Variants in FANCM observed in about 807,000 individuals in gnomAD.
FANCM encodes the protein FA complementation group M.
Under a neutral mutation model 199.5 loss-of-function variants are expected in FANCM, and 140 were observed. That is an observed-to-expected ratio of 0.70 (90% CI 0.61 to 0.81). FANCM has a LOEUF of 0.81. Ranked by LOEUF, FANCM falls within the 30% of genes least tolerant of loss-of-function variation. FANCM has a pLI of 0.00. For missense variants in FANCM, 2,410 were observed against 2,421.4 expected (o/e 1.00, Z 0.10); for synonymous variants, 840 against 836.8 (o/e 1.00, Z -0.07).
intron 3 of FANCM, 130 bp downstream of exon 3, chr14:45,140,839 C>A: frequency 1.4e-6 from 1 of 705,358 alleles, no homozygotes; most frequent in South Asian, 1.5e-5. Flanking sequence ...CCAGGAATTC[C>A]AGACCAGCCT....
rs1182559847 is a variant in FANCM at position 45,135,971 on chromosome 14, T to C, written c.-61T>C. 18 of 1,581,076 alleles carry C rather than the reference T, an allele frequency of 1.1e-5. No individual in the cohort carries two copies. In the South Asian group the frequency reaches 1.7e-4, roughly 15 times the overall value. Reference sequence around the variant, plus strand: ...AGGAAACCGATGGGGATCGGAACCGTAGCGGTTGAGCTGCTGCTGCTACGG... The same window carrying C: ...AGGAAACCGATGGGGATCGGAACCGCAGCGGTTGAGCTGCTGCTGCTACGG... On this transcript the variant is annotated 5_prime_UTR_variant, in exon 1 of 23. Coordinates refer to ENST00000267430, the MANE Select transcript of FANCM (RefSeq NM_020937.4).
In FANCM at chr14:45,136,475, A is replaced by C. The variant is rs750443703; in HGVS notation, c.444A>C (p.Thr148=). ...TGGCCCCAACGAAACCCTTGGTGAC[A>C]CAGCAGATCGAGGCTTGCTACCAGG... is the stretch of plus-strand genomic sequence containing the variant. ...VFMAPTKPLV[T]QQIEACYQVM... Residue 148 remains threonine, a synonymous_variant, in exon 1 of 23, where the codon ACA becomes ACC. Transcript: ENST00000267430. 1 of 1,614,170 alleles carries C rather than the reference A, an allele frequency of 6.2e-7. No homozygotes were observed. Among genetic ancestry groups the C allele is most frequent in the Non-Finnish European group, 8.5e-7 (1 of 1,180,020 alleles).
chr14:45,145,419 A>G (rs1418892382), intron 3 of FANCM, among the ~76,000 whole-genome samples: 1 of 152,058 alleles, frequency 6.6e-6, no homozygotes, highest in Non-Finnish European at 1.5e-5. Flanking sequence ...AGGATGGGGA[A>G]TTCCCTTCTA....
chr14:45,163,468 CTG>C (rs1887747920), intron 9 of FANCM, among the ~76,000 whole-genome samples: 1 of 152,172 alleles, frequency 6.6e-6, no homozygotes, highest in African/African-American at 2.4e-5. Context: ...TATGGAGAAA[CTG>C]AGGCTCAGAG....
intron 5 of FANCM, among the ~76,000 whole-genome samples, chr14:45,152,845 C>A (rs1886925200): frequency 6.6e-6 from 1 of 152,118 alleles, no homozygotes; most frequent in African/African-American, 2.4e-5. Flanking sequence ...CATATAGTAT[C>A]TGGGGAAGCA....
rs765499974 is a variant in FANCM, at chr14:45,136,474, C to T, written c.443C>T (p.Thr148Ile). Residue 148 changes from threonine to isoleucine, a missense_variant, in exon 1 of 23, where the codon ACA becomes ATA. Transcript: ENST00000267430. ...ATGGCCCCAACGAAACCCTTGGTGA[C>T]ACAGCAGATCGAGGCTTGCTACCAG... ...VFMAPTKPLVTQQIEACYQVM... is the reference protein window; with the variant it reads ...VFMAPTKPLVIQQIEACYQVM... 1.3e-5 allele frequency: 21 copies of T among 1,614,058 alleles called. No homozygotes were observed. Among genetic ancestry groups the T allele is most frequent in the Non-Finnish European group, 1.8e-5 (21 of 1,180,030 alleles).
At chr14:45,153,099 A>G (rs569090171) in intron 5 of FANCM, among the ~76,000 whole-genome samples, 112 of 152,300 alleles carry the variant, frequency 7.4e-4, no homozygotes, top group Non-Finnish European at 1.3e-3. Context: ...ATCTCAAAGG[A>G]AAATAATTAG....
At chr14:45,145,789 G>T (rs1204650140) in intron 3 of FANCM, among the ~76,000 whole-genome samples, 3 of 152,082 alleles carry the variant, frequency 2.0e-5, no homozygotes, top group Non-Finnish European at 4.4e-5. Flanking sequence ...GCCGGGCGCG[G>T]TGGCTCACGC....
Position 45,181,718 on chromosome 14 carries a change from C to G in FANCM, c.4386+13C>G, listed in dbSNP as rs990604042. 1.3e-6 allele frequency: 2 copies of G among 1,550,494 alleles called. No individual in the cohort carries two copies. The highest frequency in any genetic ancestry group is 1.8e-6 in the Non-Finnish European group (2 of 1,124,166). The stretch of plus-strand genomic sequence containing the variant: ...TCCTATAAACAGAGTAAGTAAATAC[C>G]AGGTAATGTATAGTAATCCAAATTC... On this transcript the variant is annotated intron_variant, in intron 16 of 22. Transcript: ENST00000267430.
At chr14:45,198,530 G>A in intron 21 of FANCM, 114 bp from the exon 22 acceptor site, 1 of 624,636 alleles carries the variant, frequency 1.6e-6, no homozygotes, top group Non-Finnish European at 2.7e-6. Flanking sequence ...GCAGAATGTG[G>A]CACCAGTTTG....
chr14:45,146,280 A>C lies in FANCM; in HGVS notation c.760-2557A>C, dbSNP rs574727666. The stretch of plus-strand genomic sequence containing the variant: ...AAAAAGGATTGTGTTTCCTACCTCA[A>C]AGTGCCTCTTTTAGCAATATGAAGT... On this transcript the variant is annotated intron_variant, in intron 3 of 22. Coordinates refer to ENST00000267430, the MANE Select transcript of FANCM (RefSeq NM_020937.4). 2.6e-5 allele frequency among the ~76,000 whole-genome samples: 4 copies of C among 151,202 alleles called. No individual in the cohort carries two copies. In the South Asian group the frequency reaches 8.4e-4, roughly 32 times the overall value.
intron 3 of FANCM, 113 bp downstream of exon 3, chr14:45,140,822 C>T (rs1319850920): frequency 1.1e-5 from 8 of 748,896 alleles, no homozygotes; most frequent in Non-Finnish European, 1.9e-5. Flanking sequence ...GGGAGGATCA[C>T]TTGAGGCCAG....
At chr14:45,150,908 G>T (rs574215335) in intron 4 of FANCM, among the ~76,000 whole-genome samples, 1 of 152,254 alleles carries the variant, frequency 6.6e-6, no homozygotes, top group South Asian at 2.1e-4. Context: ...TTACATAGTA[G>T]ATGGTTAATA....
intron 10 of FANCM, 95 bp from the exon 11 acceptor site, chr14:45,166,855 T>C: frequency 1.3e-6 from 1 of 763,482 alleles, no homozygotes. Flanking sequence ...TTTAATTTTA[T>C]GTTTACAATA....
chr14:45,172,892 T>C (rs545158223), intron 12 of FANCM, among the ~76,000 whole-genome samples, 163 bp from the exon 13 acceptor site: 4 of 152,342 alleles, frequency 2.6e-5, no homozygotes, highest in Admixed American at 6.5e-5. Context: ...TCTTTCTGCT[T>C]TATGAAATTA....
At chr14:45,188,067 G>A (rs1420190378) in intron 19 of FANCM, among the ~76,000 whole-genome samples, 180 bp downstream of exon 19, 1 of 152,146 alleles carries the variant, frequency 6.6e-6, no homozygotes, top group Non-Finnish European at 1.5e-5. Context: ...GGCCATGTGC[G>A]GTGGCTCACG....
At chr14:45,196,596 C>T (rs536372406) in intron 21 of FANCM, 49 bp downstream of exon 21, 133 of 1,562,200 alleles carry the variant, frequency 8.5e-5, no homozygotes, top group Non-Finnish European at 1.0e-4. Flanking sequence ...AGGAACTTTA[C>T]GGTTAACTTA....
At chr14:45,198,089 A>G (rs1029455712) in intron 21 of FANCM, among the ~76,000 whole-genome samples, 2 of 152,090 alleles carry the variant, frequency 1.3e-5, no homozygotes, top group Non-Finnish European at 2.9e-5. Flanking sequence ...GTCAGGGATA[A>G]AGGAAATAGA....
intron 19 of FANCM, among the ~76,000 whole-genome samples, chr14:45,188,186 A>G (rs200515315): frequency 1.3e-5 from 2 of 152,130 alleles, no homozygotes; most frequent in East Asian, 3.9e-4. Flanking sequence ...TAATAATACA[A>G]AAATTAGCCA....
Sources: gnomAD v4.1 joint callset for allele counts (sites outside exome capture counted in the v4.1 genomes callset) on GRCh38, gnomAD v4.1.1 for gene constraint, MANE v1.5 for transcripts, NCBI Gene and HGNC (gene_info 2026-07-23, HGNC 2026-07-21) for gene names.